GNAQ: variants seen among roughly 807,000 people sequenced by gnomAD.
GNAQ encodes the protein guanine nucleotide-binding protein G(q) subunit alpha.
In GNAQ, 8 loss-of-function variants were observed where a neutral mutation model predicts 43.9. That is an observed-to-expected ratio of 0.18 (90% CI 0.11 to 0.33). The LOEUF (loss-of-function observed/expected upper bound fraction) is 0.33, where lower values mean the gene tolerates loss of function less well. GNAQ is among the 10% of genes least tolerant of loss of function. The pLI, the probability that GNAQ is intolerant of heterozygous loss-of-function variation, is 1.00. For missense variants in GNAQ, 158 were observed against 450.8 expected, an observed-to-expected ratio of 0.35 and a Z score of 5.88; for synonymous variants, 155 against 170.7, an observed-to-expected ratio of 0.91 and a Z score of 0.71.
chr9:77,938,580 T>A lies in GNAQ; in HGVS notation c.137-16235A>T, dbSNP rs908120852. Among the ~76,000 whole-genome samples, 6 of 152,180 alleles carry A rather than the reference T, an allele frequency of 3.9e-5. 1 individual carries two copies. In the East Asian group the frequency reaches 1.2e-3, roughly 29 times the overall value. On this transcript the variant is annotated intron_variant, in intron 1 of 6. Transcript: ENST00000286548. ...ATGGGCAAGAAGGAAGGACTTAATA[T>A]TGAAAAGATAGAACAGGCAGGTTGT...
rs568032512 is a variant in GNAQ at position 77,742,805 on chromosome 9, A to G, written c.736-14138T>C. 8.5e-5 allele frequency among the ~76,000 whole-genome samples: 13 copies of G among 152,330 alleles called. No individual in the cohort carries two copies. In the East Asian group the frequency reaches 2.5e-3, roughly 29 times the overall value. ...GGAAGATCATTCAAGCATCATGAAG[A>G]AAGCAGACAACGTTGAAAGACCTGA... On this transcript the variant is annotated intron_variant, in intron 5 of 6. Transcript: ENST00000286548.
chr9:77,722,404 TG>T (rs1364825442), intron 6 of GNAQ, among the ~76,000 whole-genome samples: 1 of 152,192 alleles, frequency 6.6e-6, no homozygotes, highest in East Asian at 1.9e-4. Flanking sequence ...CCCAAAGTGC[TG>T]GGATTACAGG....
intron 2 of GNAQ, among the ~76,000 whole-genome samples, chr9:77,832,765 T>C (rs2118556536): frequency 6.6e-6 from 1 of 152,218 alleles, no homozygotes; most frequent in African/African-American, 2.4e-5. Flanking sequence ...TGGGTTAGTG[T>C]GGTTACGTTG....
intron 1 of GNAQ, among the ~76,000 whole-genome samples, chr9:77,966,185 A>AT (rs1823165461): frequency 2.0e-5 from 3 of 152,120 alleles, no homozygotes; most frequent in Admixed American, 1.3e-4. Flanking sequence ...GGGAGGGAGG[A>AT]TAAAAAAGAG....
intron 6 of GNAQ, among the ~76,000 whole-genome samples, chr9:77,724,905 T>A (rs1825374260): frequency 6.6e-6 from 1 of 151,894 alleles, no homozygotes; most frequent in Admixed American, 6.6e-5. Flanking sequence ...GTTCCATCTT[T>A]TTCAATGTAC....
chr9:78,009,655 A>T (rs1259212514), intron 1 of GNAQ, among the ~76,000 whole-genome samples: 7 of 152,218 alleles, frequency 4.6e-5, no homozygotes, highest in Non-Finnish European at 1.5e-5. Context: ...CCCTGATCTA[A>T]CTACAAATCT....
At chr9:77,860,784 T>G (rs1827837766) in intron 2 of GNAQ, among the ~76,000 whole-genome samples, 1 of 152,124 alleles carries the variant, frequency 6.6e-6, no homozygotes, top group Non-Finnish European at 1.5e-5. Flanking sequence ...CCCTGGCTCT[T>G]CCGTGGAGGT....
intron 5 of GNAQ, among the ~76,000 whole-genome samples, chr9:77,753,451 T>C (rs1045425649): frequency 6.6e-6 from 1 of 152,226 alleles, no homozygotes; most frequent in Non-Finnish European, 1.5e-5. Flanking sequence ...TCATGCTTAC[T>C]TTCCTTCTAG....
intron 1 of GNAQ, among the ~76,000 whole-genome samples, chr9:77,943,420 T>C (rs1446040835): frequency 2.0e-5 from 3 of 152,222 alleles, no homozygotes; most frequent in East Asian, 1.9e-4. Flanking sequence ...CTGGGAATGT[T>C]AGTCCCTTTT....
chr9:77,910,258 T>G (rs1182367281), intron 2 of GNAQ, among the ~76,000 whole-genome samples: 1 of 152,318 alleles, frequency 6.6e-6, no homozygotes. Context: ...TGCCCCAGCA[T>G]TTCTCATATC....
chr9:77,945,350 G>A (rs1461833082), intron 1 of GNAQ, among the ~76,000 whole-genome samples: 3 of 150,522 alleles, frequency 2.0e-5, no homozygotes, highest in African/African-American at 7.5e-5. Flanking sequence ...TAAAAAAAAA[G>A]AGAGAGAGAG....
chr9:77,727,063 T>C (rs1825406654), intron 6 of GNAQ, among the ~76,000 whole-genome samples: 1 of 151,528 alleles, frequency 6.6e-6, no homozygotes, highest in Non-Finnish European at 1.5e-5. Flanking sequence ...GGGAGAGATG[T>C]GATTATCTTG....
At chr9:77,755,312 C>T (rs1825884153) in intron 5 of GNAQ, among the ~76,000 whole-genome samples, 1 of 151,986 alleles carries the variant, frequency 6.6e-6, no homozygotes, top group South Asian at 2.1e-4. Context: ...TATTTGATAG[C>T]ACATCAGGGT....
intron 5 of GNAQ, among the ~76,000 whole-genome samples, chr9:77,755,294 A>T (rs1825883777): frequency 6.6e-6 from 1 of 152,230 alleles, no homozygotes; most frequent in Non-Finnish European, 1.5e-5. Flanking sequence ...AAAACGAATA[A>T]GATCTAGTAT....
chr9:77,731,210 G>A (rs778780047), intron 5 of GNAQ, among the ~76,000 whole-genome samples: 1 of 152,136 alleles, frequency 6.6e-6, no homozygotes, highest in African/African-American at 2.4e-5. Context: ...GAGGGGAAGT[G>A]ACTAGACTAT....
chr9:78,013,154 C>T (rs1297538034), intron 1 of GNAQ, among the ~76,000 whole-genome samples: 4 of 152,070 alleles, frequency 2.6e-5, no homozygotes, highest in African/African-American at 7.2e-5. Context: ...GATCTGAACA[C>T]CATAAACACC....
chr9:77,975,920 G>A (rs1823296293), intron 1 of GNAQ, among the ~76,000 whole-genome samples: 1 of 152,184 alleles, frequency 6.6e-6, no homozygotes, highest in Non-Finnish European at 1.5e-5. Context: ...GATTCAGTGT[G>A]TTCTTTTGAA....
chr9:77,977,147 C>A (rs1223433006), intron 1 of GNAQ, among the ~76,000 whole-genome samples: 2 of 152,090 alleles, frequency 1.3e-5, no homozygotes, highest in Non-Finnish European at 2.9e-5. Flanking sequence ...ATGAGACACA[C>A]TGGATAAAGG....
intron 1 of GNAQ, among the ~76,000 whole-genome samples, chr9:77,954,928 C>A (rs888692395): frequency 6.6e-6 from 1 of 152,180 alleles, no homozygotes; most frequent in Admixed American, 6.5e-5. Flanking sequence ...CTCTGGGTAA[C>A]ATGTTCAATT....
Sources: gnomAD v4.1 joint callset for allele counts (sites outside exome capture counted in the v4.1 genomes callset) on GRCh38, gnomAD v4.1.1 for gene constraint, MANE v1.5 for transcripts, NCBI Gene and HGNC (gene_info 2026-07-23, HGNC 2026-07-21) for gene names.